The following HCN1 variants were observed in gnomAD, a reference collection of about 807,000 sequenced individuals.
HCN1 encodes hyperpolarization activated cyclic nucleotide gated potassium channel 1.
In HCN1, 13 loss-of-function variants were observed where a neutral mutation model predicts 78.9. The observed-to-expected ratio is 0.16, with a 90% CI of 0.11 to 0.26. HCN1 has a LOEUF of 0.26. Ranked by LOEUF, HCN1 falls within the 10% of genes least tolerant of loss-of-function variation. The pLI is 1.00. For synonymous variants in HCN1, 552 were observed against 455.5 expected (o/e 1.21, Z -2.70); for missense variants, 810 against 1,154.3 (o/e 0.70, Z 4.32).
At chr5:45,613,005 C>CT (rs1188603419) in intron 2 of HCN1, among the ~76,000 whole-genome samples, 1 of 151,990 alleles carries the variant, frequency 6.6e-6, no homozygotes, top group East Asian at 1.9e-4. Flanking sequence ...GGAAGGAATT[C>CT]TTTTTTTTAT....
At chr5:45,664,593 A>G (rs1197828916) in intron 1 of HCN1, among the ~76,000 whole-genome samples, 1 of 151,918 alleles carries the variant, frequency 6.6e-6, no homozygotes, top group Non-Finnish European at 1.5e-5. Flanking sequence ...AACTCAAACA[A>G]ATTTATGAGA....
chr5:45,680,335 A>T (rs1313039246), intron 1 of HCN1, among the ~76,000 whole-genome samples: 1 of 152,174 alleles, frequency 6.6e-6, no homozygotes, highest in Non-Finnish European at 1.5e-5. Context: ...ATTTTATAAA[A>T]TTTATACTAA....
At chr5:45,476,694 G>T (rs1741523376) in intron 2 of HCN1, among the ~76,000 whole-genome samples, 1 of 151,972 alleles carries the variant, frequency 6.6e-6, no homozygotes, top group African/African-American at 2.4e-5. Context: ...TTATTTGTCT[G>T]CCCTCTTCAT....
At chr5:45,390,922 C>T (rs1204858066) in intron 4 of HCN1, among the ~76,000 whole-genome samples, 3 of 152,054 alleles carry the variant, frequency 2.0e-5, no homozygotes, top group African/African-American at 7.2e-5. Flanking sequence ...TAAGTTATTC[C>T]AAGCATTGTC....
At chr5:45,493,024 C>A (rs953188452) in intron 2 of HCN1, among the ~76,000 whole-genome samples, 3 of 151,946 alleles carry the variant, frequency 2.0e-5, no homozygotes, top group Non-Finnish European at 4.4e-5. Flanking sequence ...TAGAGAGAAT[C>A]ATTCTTTCTT....
At position 45,262,759 on chromosome 5, in the gene HCN1, C is replaced by T. The variant is rs746848620; in HGVS notation, c.1835G>A (p.Gly612Asp). The T allele has an allele frequency of 6.2e-7, 1 of 1,614,070 alleles. No homozygotes were observed. Among genetic ancestry groups the T allele is most frequent in the Non-Finnish European group, 8.5e-7 (1 of 1,180,004 alleles). The change falls in exon 8 of 8, where the codon GGT (glycine) becomes GAT (aspartate). Residue 612 changes from glycine to aspartate, a missense_variant. Physicochemically the swap from Gly to Asp is moderately conservative, Grantham distance 94. This residue lies in a region of HCN1 where 398 missense variants were observed against 381.3 expected (regional missense o/e 1.04). Transcript: ENST00000303230. ...LQKFQKDLNT[G>D]VFNNQENEIL... The stretch of plus-strand genomic sequence containing the variant: ...TTCGTTCTCCTGATTGTTGAAAACA[C>T]CAGTGTTCAGATCCTTCTGGAACTT...
At chr5:45,371,765 A>AC (rs1163657289) in intron 4 of HCN1, among the ~76,000 whole-genome samples, 1 of 143,020 alleles carries the variant, frequency 7.0e-6, no homozygotes, top group East Asian at 2.0e-4. Context: ...TCAAAAAAAA[A>AC]AATATATATA....
At chr5:45,419,419 C>T (rs768887276) in intron 3 of HCN1, among the ~76,000 whole-genome samples, 2 of 152,188 alleles carry the variant, frequency 1.3e-5, no homozygotes, top group Admixed American at 6.5e-5. Context: ...ATAACCAGGA[C>T]GCCAAGCAAT....
At chr5:45,658,579 G>A (rs1160794490) in intron 1 of HCN1, among the ~76,000 whole-genome samples, 9 of 151,938 alleles carry the variant, frequency 5.9e-5, no homozygotes, top group East Asian at 2.0e-4. Context: ...GACAGTGGGC[G>A]CAGGCCAGTG....
chr5:45,536,966 C>T (rs1351295860), intron 2 of HCN1, among the ~76,000 whole-genome samples: 4 of 152,176 alleles, frequency 2.6e-5, no homozygotes, highest in African/African-American at 9.7e-5. Context: ...TCTCAACCAG[C>T]ATGCATAATT....
chr5:45,387,565 T>G (rs1747951071), intron 4 of HCN1, among the ~76,000 whole-genome samples: 1 of 152,084 alleles, frequency 6.6e-6, no homozygotes, highest in South Asian at 2.1e-4. Context: ...TAAGACACGG[T>G]GTATAAGATG....
intron 3 of HCN1, among the ~76,000 whole-genome samples, chr5:45,414,399 T>A (rs1279382459): frequency 6.6e-6 from 1 of 152,050 alleles, no homozygotes; most frequent in Admixed American, 6.6e-5. Flanking sequence ...TGACTTCTCA[T>A]CTTATCTATA....
At chr5:45,584,570 T>G (rs1285637248) in intron 2 of HCN1, among the ~76,000 whole-genome samples, 1 of 152,182 alleles carries the variant, frequency 6.6e-6, no homozygotes, top group East Asian at 1.9e-4. Flanking sequence ...GATCCTGTCA[T>G]TATAATGTTA....
At chr5:45,690,300 C>G (rs1001739012) in intron 1 of HCN1, among the ~76,000 whole-genome samples, 6 of 151,918 alleles carry the variant, frequency 3.9e-5, no homozygotes, top group African/African-American at 1.2e-4. Context: ...ACTGCGTGGT[C>G]AACTATTAGA....
At chr5:45,322,844 T>A (rs182209405) in intron 5 of HCN1, among the ~76,000 whole-genome samples, 2 of 151,892 alleles carry the variant, frequency 1.3e-5, no homozygotes, top group East Asian at 3.9e-4. Context: ...CTCAAAATGG[T>A]TGTCATTTGA....
intron 1 of HCN1, among the ~76,000 whole-genome samples, chr5:45,681,391 T>C (rs1739699841): frequency 6.6e-6 from 1 of 152,168 alleles, no homozygotes; most frequent in African/African-American, 2.4e-5. Flanking sequence ...TTTGCATCTT[T>C]TCAGACTCAA....
At chr5:45,509,707 C>G (rs539759095) in intron 2 of HCN1, among the ~76,000 whole-genome samples, 1 of 152,182 alleles carries the variant, frequency 6.6e-6, no homozygotes, top group South Asian at 2.1e-4. Flanking sequence ...ACAGATATAG[C>G]CAGTATGTGG....
chr5:45,644,895 AG>A (rs1471392840), intron 2 of HCN1: 14 of 435,676 alleles, frequency 3.2e-5, no homozygotes, highest in African/African-American at 2.6e-4. Flanking sequence ...AAGGTGGGAA[AG>A]GGGTTGTATT....
intron 1 of HCN1, among the ~76,000 whole-genome samples, chr5:45,686,023 A>C (rs945611022): frequency 1.3e-5 from 2 of 152,122 alleles, no homozygotes; most frequent in Non-Finnish European, 2.9e-5. Context: ...TGCAGAGCAT[A>C]ACTTCTAAGC....
Sources: allele counts gnomAD v4.1 joint callset (sites outside exome capture counted in the v4.1 genomes callset), GRCh38; gene constraint gnomAD v4.1.1; regional missense constraint gnomAD v4.1.1; transcripts MANE v1.5; gene names NCBI Gene and HGNC (gene_info 2026-07-23, HGNC 2026-07-21).